The following ZNF282 variants were observed in gnomAD, a reference collection of about 807,000 sequenced individuals.
ZNF282 encodes HTLV-I U5 repressive element-binding protein 1.
ZNF282 carries 30 observed loss-of-function variants against 61.9 expected under a neutral mutation model. The ratio of observed to expected loss-of-function variants is 0.48; its 90% CI spans 0.36 to 0.66. The LOEUF (loss-of-function observed/expected upper bound fraction) is 0.66, where lower values mean the gene tolerates loss of function less well. Ranked by LOEUF, ZNF282 falls within the 30% of genes least tolerant of loss-of-function variation. The pLI, the probability that ZNF282 is intolerant of heterozygous loss-of-function variation, is 0.00. For missense variants in ZNF282, 788 were observed against 941.4 expected (o/e 0.84, Z 2.13); for synonymous variants, 396 against 405.0 (o/e 0.98, Z 0.27).
chr7:149,224,653 G>C lies in ZNF282; in HGVS notation c.*6G>C. ...CGCCTCCTGAGCGAGACTAGGGCTG[G>C]GCTGGGGGAGGGCAGGGCCGGACGG... On this transcript the variant is annotated 3_prime_UTR_variant, in exon 8 of 8. Coordinates refer to ENST00000610704, the MANE Select transcript of ZNF282 (RefSeq NM_003575.4). The C allele has an allele frequency of 6.7e-7, 1 of 1,502,504 alleles. No homozygotes were observed. The highest frequency in any genetic ancestry group is 1.4e-5 in the African/African-American group (1 of 72,414). 93.1% of individuals were successfully genotyped at this position (1,502,504 alleles called of 1,614,324 possible).
chr7:149,210,850 G>T, intron 5 of ZNF282, 146 bp downstream of exon 5: 2 of 1,223,276 alleles, frequency 1.6e-6, no homozygotes, highest in Non-Finnish European at 2.2e-6. Flanking sequence ...TCCAGGGCTG[G>T]GCTGAGCCAG....
In ZNF282 at chr7:149,224,731, A is replaced by G. The variant is rs532089406; in HGVS notation, c.*84A>G. The G allele has an allele frequency of 3.8e-5, 54 of 1,438,546 alleles. No individual in the cohort carries two copies. The African/African-American group carries it at 6.7e-4, about 18-fold the overall frequency. The allele number at this position is 1,438,546 out of a possible 1,614,324, so 89.1% of individuals were successfully genotyped here. On this transcript the variant is annotated 3_prime_UTR_variant, in exon 8 of 8. Transcript: ENST00000610704. ...ACCACCTTGCCGGGTGTCCTCAGCC[A>G]CCGTCTGGAAATCGGCAACAGGCAT...
intron 2 of ZNF282, among the ~76,000 whole-genome samples, chr7:149,204,253 C>T (rs141218432): frequency 2.9e-3 from 436 of 152,228 alleles, no homozygotes; most frequent in Non-Finnish European, 3.7e-3. Flanking sequence ...TTTGACCTTT[C>T]GAAGAGGTCA....
At position 149,224,064 on chromosome 7, in the gene ZNF282, A is replaced by G. The variant is rs1001372084; in HGVS notation, c.1433A>G (p.Asp478Gly). The stretch of plus-strand genomic sequence containing the variant: ...CGCAGCACCGGGGGCGGCGGGGGCG[A>G]TGGGGGCGGTGGGGGCGGCGGCGCG... ...GDRSTGGGGG[D>G]GGGGGGGAEA... Residue 478 changes from aspartate to glycine, a missense_variant, in exon 8 of 8, where the codon GAT (aspartate) becomes GGT (glycine). Transcript: ENST00000610704. 1.3e-4 allele frequency: 125 copies of G among 942,468 alleles called. 1 individual carries two copies. In the African/African-American group the frequency reaches 2.0e-3, roughly 15 times the overall value. The allele number at this position is 942,468 out of a possible 1,614,324, so 58.4% of individuals were successfully genotyped here. A position where few individuals can be genotyped will look rare whatever the true frequency, so the allele number is the denominator to read the frequency against.
At chr7:149,199,132 C>T (rs564685706) in intron 2 of ZNF282, among the ~76,000 whole-genome samples, 3 of 152,278 alleles carry the variant, frequency 2.0e-5, no homozygotes, top group Admixed American at 2.0e-4. Flanking sequence ...TGGCTGGAGT[C>T]GCACCTCAAA....
chr7:149,199,797 C>A (rs1840387407), intron 2 of ZNF282, among the ~76,000 whole-genome samples: 1 of 152,212 alleles, frequency 6.6e-6, no homozygotes, highest in Admixed American at 6.5e-5. Context: ...TCCCTGCCCA[C>A]TTCCCCACTC....
intron 2 of ZNF282, among the ~76,000 whole-genome samples, chr7:149,203,501 C>T (rs1795946661): frequency 6.6e-6 from 1 of 152,204 alleles, no homozygotes; most frequent in African/African-American, 2.4e-5. Context: ...CACATGCCAC[C>T]ACACCCAGTT....
At chr7:149,210,747 A>AGGGGAGGGGT (rs779506124) in intron 5 of ZNF282, 43 bp downstream of exon 5, 1 of 1,510,278 alleles carries the variant, frequency 6.6e-7, no homozygotes, top group South Asian at 1.3e-5. Context: ...AGGGGAGGGG[A>AGGGGAGGGGT]GGGGAGAGGG....
At position 149,202,878 on chromosome 7, in the gene ZNF282, T is replaced by A. The variant is rs367810312; in HGVS notation, c.586-3818T>A. ...GCCTGGAATGGTACCTGGCTTAGAC[T>A]GGTATGCAAAAAATGTTTGTGGAGT... On this transcript the variant is annotated intron_variant, in intron 2 of 7. Transcript: ENST00000610704. 1.8e-4 allele frequency among the ~76,000 whole-genome samples: 28 copies of A among 152,254 alleles called. No homozygotes were observed. The East Asian group carries it at 5.4e-3, about 29-fold the overall frequency.
chr7:149,210,521 A>G (rs556384746), intron 4 of ZNF282, 64 bp from the exon 5 acceptor site: 161 of 1,588,910 alleles, frequency 1.0e-4, no homozygotes, highest in South Asian at 2.1e-4. Context: ...CTCTGTTCCC[A>G]GGAGCAGAGC....
At chr7:149,202,691 T>G (rs1795930322) in intron 2 of ZNF282, among the ~76,000 whole-genome samples, 1 of 152,138 alleles carries the variant, frequency 6.6e-6, no homozygotes, top group South Asian at 2.1e-4. Flanking sequence ...CCTCAAGTGA[T>G]CCATCCGCCT....
At chr7:149,203,130 C>T (rs1412335611) in intron 2 of ZNF282, among the ~76,000 whole-genome samples, 2 of 152,160 alleles carry the variant, frequency 1.3e-5, no homozygotes, top group African/African-American at 2.4e-5. Flanking sequence ...TTGCATATGT[C>T]GCTTGTCTAG....
rs1795802938 is a variant in ZNF282 at position 149,195,665 on chromosome 7, A to G, written c.76A>G (p.Ser26Gly). 2 of 1,596,964 alleles carry G rather than the reference A, an allele frequency of 1.3e-6. No homozygotes were observed. The highest frequency in any genetic ancestry group is 1.7e-6 in the Non-Finnish European group (2 of 1,173,058). Residue 26 changes from serine to glycine, a missense_variant, in exon 1 of 8, where the codon AGC (serine) becomes GGC (glycine). Transcript: ENST00000610704. ...QGLGLDSGSW[S>G]WAQALPPEEV... ...CCTGGGGCTGGACAGCGGGAGCTGGAGCTGGGCCCAGGCTCTGCCCCCGGA... is the reference window on the plus strand; with the variant it reads ...CCTGGGGCTGGACAGCGGGAGCTGGGGCTGGGCCCAGGCTCTGCCCCCGGA...
chr7:149,209,935 G>A (rs998261287), intron 4 of ZNF282, among the ~76,000 whole-genome samples: 1 of 152,080 alleles, frequency 6.6e-6, no homozygotes, highest in African/African-American at 2.4e-5. Flanking sequence ...TCTCATCAAT[G>A]TTATAACTAA....
intron 7 of ZNF282, among the ~76,000 whole-genome samples, chr7:149,215,845 A>G (rs1306651974): frequency 6.6e-6 from 1 of 152,188 alleles, no homozygotes; most frequent in East Asian, 1.9e-4. Context: ...GCCCGAAGGC[A>G]TAGGAACTAG....
intron 3 of ZNF282, among the ~76,000 whole-genome samples, 184 bp from the exon 4 acceptor site, chr7:149,207,167 A>G (rs1307161416): frequency 6.6e-6 from 1 of 151,766 alleles, no homozygotes; most frequent in Non-Finnish European, 1.5e-5. Flanking sequence ...AGCTCTTCCT[A>G]CAGTAGAAAT....
Position 149,207,440 on chromosome 7 carries a change from G to A in ZNF282, c.802G>A (p.Glu268Lys), listed in dbSNP as rs879245488. 6.4e-7 allele frequency: 1 copy of A among 1,564,276 alleles called. No homozygotes were observed. The highest frequency in any genetic ancestry group is 8.7e-7 in the Non-Finnish European group (1 of 1,153,334). ...TGTGTGGGAGCAGCGCCACCCCGAA[G>A]AGAGAGAAATCCCAATGGATCCCGA... ...PCVWEQRHPEEREIPMDPEAG... is the reference protein window; with the variant it reads ...PCVWEQRHPEKREIPMDPEAG... The change falls in exon 4 of 8, where the codon GAG becomes AAG. Residue 268 changes from glutamate to lysine, a missense_variant. Glu to Lys is a moderately conservative substitution (Grantham distance 56, BLOSUM62 1). Transcript: ENST00000610704.
At chr7:149,220,157 C>T (rs1289774754) in intron 7 of ZNF282, among the ~76,000 whole-genome samples, 3 of 152,074 alleles carry the variant, frequency 2.0e-5, no homozygotes, top group Non-Finnish European at 4.4e-5. Flanking sequence ...GCCTGTAATC[C>T]CAGCACTTTG....
In ZNF282 at chr7:149,213,760, C is replaced by T. The variant is rs1796121186; in HGVS notation, c.1126C>T (p.Pro376Ser). The T allele has an allele frequency of 6.2e-7, 1 of 1,613,826 alleles. No homozygotes were observed. The highest frequency in any genetic ancestry group is 8.5e-7 in the Non-Finnish European group (1 of 1,179,998). The change falls in exon 7 of 8, where the codon CCA becomes TCA. Residue 376 changes from proline (P) to serine (S), a missense_variant. Physicochemically the swap from Pro to Ser is moderately conservative, Grantham distance 74. Coordinates refer to ENST00000610704, the MANE Select transcript of ZNF282 (RefSeq NM_003575.4). Reference protein sequence around the residue: ...SWIKQEEQPYPWGPRDSMDGE... With the variant: ...SWIKQEEQPYSWGPRDSMDGE... The stretch of plus-strand genomic sequence containing the variant: ...GATCAAGCAGGAGGAGCAGCCATAC[C>T]CATGGGGACCACGCGACTCAATGGA...
Sources: gnomAD v4.1 joint callset for allele counts (sites outside exome capture counted in the v4.1 genomes callset) on GRCh38, gnomAD v4.1.1 for gene constraint, MANE v1.5 for transcripts, NCBI Gene and HGNC (gene_info 2026-07-23, HGNC 2026-07-21) for gene names.